The following TMCC1 variants were observed in gnomAD, a reference collection of about 807,000 sequenced individuals.
TMCC1 encodes transmembrane and coiled-coil domain family 1.
In TMCC1, 15 loss-of-function variants were observed where a neutral mutation model predicts 52.4. That is an observed-to-expected ratio of 0.29 (90% CI 0.19 to 0.44). TMCC1 has a LOEUF of 0.44. Among genes scored for constraint, TMCC1 ranks in the 20% least tolerant of loss-of-function variants. TMCC1 has a pLI of 1.00. For synonymous variants in TMCC1, 279 were observed against 301.9 expected (o/e 0.92, Z 0.79); for missense variants, 503 against 806.0 (o/e 0.62, Z 4.55).
chr3:129,737,869 G>C (rs2051112285), intron 4 of TMCC1, among the ~76,000 whole-genome samples: 1 of 152,152 alleles, frequency 6.6e-6, no homozygotes, highest in Non-Finnish European at 1.5e-5. Context: ...TAGTTCCACT[G>C]TAACCAAGGA....
chr3:129,711,038 A>G (rs1320198486), intron 4 of TMCC1, among the ~76,000 whole-genome samples: 1 of 151,964 alleles, frequency 6.6e-6, no homozygotes, highest in Non-Finnish European at 1.5e-5. Context: ...TAATTTTTGT[A>G]TTTTTAGTAG....
chr3:129,852,631 A>T (rs989104079), intron 2 of TMCC1, among the ~76,000 whole-genome samples: 3 of 152,192 alleles, frequency 2.0e-5, no homozygotes, highest in African/African-American at 7.2e-5. Flanking sequence ...TGATGGTTAC[A>T]CATTATGAAT....
intron 4 of TMCC1, among the ~76,000 whole-genome samples, chr3:129,821,407 T>C (rs942964774): frequency 3.3e-5 from 5 of 152,218 alleles, no homozygotes; most frequent in Admixed American, 1.3e-4. Context: ...GAAAGGATCT[T>C]ACATACATTA....
chr3:129,732,354 C>T (rs1576617134), intron 4 of TMCC1, among the ~76,000 whole-genome samples: 1 of 152,110 alleles, frequency 6.6e-6, no homozygotes, highest in South Asian at 2.1e-4. Context: ...CTTTGCAGTG[C>T]TTTTTGGATC....
At chr3:129,873,173 T>C (rs1406895788) in intron 2 of TMCC1, among the ~76,000 whole-genome samples, 1 of 152,124 alleles carries the variant, frequency 6.6e-6, no homozygotes, top group East Asian at 1.9e-4. Context: ...AGTGCTGGGA[T>C]AACAGGCATG....
At chr3:129,673,762 G>C (rs1576395591) in intron 4 of TMCC1, among the ~76,000 whole-genome samples, 1 of 151,778 alleles carries the variant, frequency 6.6e-6, no homozygotes, top group African/African-American at 2.4e-5. Flanking sequence ...GAGGTGGGAG[G>C]ATAGCTTGAA....
At chr3:129,761,279 G>C (rs938752668) in intron 4 of TMCC1, among the ~76,000 whole-genome samples, 1 of 148,584 alleles carries the variant, frequency 6.7e-6, no homozygotes, top group Non-Finnish European at 1.5e-5. Flanking sequence ...AGTGAGCCGA[G>C]ATGGCGCCAC....
intron 2 of TMCC1, among the ~76,000 whole-genome samples, chr3:129,840,740 T>C (rs895715367): frequency 6.6e-6 from 1 of 152,226 alleles, no homozygotes; most frequent in Admixed American, 6.5e-5. Context: ...CATGCCTTTC[T>C]TCCCCTTCAC....
At chr3:129,737,294 C>T (rs941241819) in intron 4 of TMCC1, among the ~76,000 whole-genome samples, 3 of 152,124 alleles carry the variant, frequency 2.0e-5, no homozygotes, top group African/African-American at 7.2e-5. Flanking sequence ...GTCTGGCCAA[C>T]ATGGCAAAAC....
intron 4 of TMCC1, among the ~76,000 whole-genome samples, chr3:129,813,234 A>G (rs2057919370): frequency 6.6e-6 from 1 of 152,236 alleles, no homozygotes; most frequent in African/African-American, 2.4e-5. Flanking sequence ...TAGTCCAGCC[A>G]TTATGGAAAG....
intron 4 of TMCC1, among the ~76,000 whole-genome samples, chr3:129,687,085 GGGA>G (rs1296180533): frequency 6.6e-6 from 1 of 152,198 alleles, no homozygotes; most frequent in Non-Finnish European, 1.5e-5. Flanking sequence ...TCAGTAAACA[GGGA>G]GGAGGGCACC....
intron 2 of TMCC1, chr3:129,847,014 C>T (rs1056818646): frequency 3.1e-4 from 46 of 150,244 alleles, no homozygotes; most frequent in Non-Finnish European, 4.7e-4. Context: ...TACATACATA[C>T]ATACATACAT....
intron 4 of TMCC1, among the ~76,000 whole-genome samples, chr3:129,789,341 TAA>T (rs1182778646): frequency 1.3e-5 from 2 of 152,176 alleles, no homozygotes; most frequent in Non-Finnish European, 2.9e-5. Flanking sequence ...TATTTACTTT[TAA>T]AAAGATATCA....
chr3:129,709,497 A>AAAAAGAGAGAG (rs554837910), intron 4 of TMCC1, among the ~76,000 whole-genome samples: 31 of 64,074 alleles, frequency 4.8e-4, no homozygotes, highest in African/African-American at 1.9e-3. Flanking sequence ...AAAAAAAAAA[A>AAAAAGAGAGAG]AGAGAGAGAG....
At chr3:129,759,709 ACTTTTTT>A (rs2053348559) in intron 4 of TMCC1, among the ~76,000 whole-genome samples, 1 of 98,358 alleles carries the variant, frequency 1.0e-5, no homozygotes. Context: ...AGCCAGCCAA[ACTTTTTT>A]TTTTTTTTTT....
intron 4 of TMCC1, among the ~76,000 whole-genome samples, chr3:129,795,649 C>G (rs752660539): frequency 6.6e-6 from 1 of 152,178 alleles, no homozygotes; most frequent in Non-Finnish European, 1.5e-5. Context: ...CCCTTACCTA[C>G]AGTTTGTTCC....
intron 4 of TMCC1, among the ~76,000 whole-genome samples, chr3:129,726,065 G>A (rs190037786): frequency 4.6e-5 from 7 of 152,280 alleles, no homozygotes; most frequent in Admixed American, 4.6e-4. Context: ...GTATCTACCT[G>A]TATGTACAGG....
chr3:129,718,998 TCTC>T (rs749238488), intron 4 of TMCC1, among the ~76,000 whole-genome samples: 1 of 152,138 alleles, frequency 6.6e-6, no homozygotes, highest in Non-Finnish European at 1.5e-5. Flanking sequence ...TTGGTCGTCT[TCTC>T]CTTTTCCTGG....
intron 4 of TMCC1, among the ~76,000 whole-genome samples, chr3:129,690,772 G>A (rs1368852964): frequency 6.6e-6 from 1 of 152,070 alleles, no homozygotes; most frequent in East Asian, 1.9e-4. Context: ...AGTTGTCTGG[G>A]CCTAAAGCAG....
Sources: allele counts gnomAD v4.1 joint callset (sites outside exome capture counted in the v4.1 genomes callset), GRCh38; gene constraint gnomAD v4.1.1; transcripts MANE v1.5; gene names NCBI Gene and HGNC (gene_info 2026-07-23, HGNC 2026-07-21).